Variants in NAV3 observed in about 807,000 individuals in gnomAD.
NAV3 encodes the protein pore membrane and/or filament interacting like protein 1.
Under a neutral mutation model 244.7 loss-of-function variants are expected in NAV3, and 87 were observed. That is an observed-to-expected ratio of 0.36 (90% CI 0.30 to 0.42). NAV3 has a LOEUF of 0.42. NAV3 is among the 20% of genes least tolerant of loss of function. The pLI is 1.00. For missense variants in NAV3, 2,663 were observed against 2,893.3 expected (o/e 0.92, Z 1.83); for synonymous variants, 1,126 against 1,042.2 (o/e 1.08, Z -1.55).
chr12:77,992,095 A>G (rs1039141811), intron 5 of NAV3, among the ~76,000 whole-genome samples: 3 of 152,038 alleles, frequency 2.0e-5, no homozygotes, highest in African/African-American at 4.8e-5. Flanking sequence ...AATCAGCTGC[A>G]TGTTTTAGAA....
intron 12 of NAV3, among the ~76,000 whole-genome samples, chr12:78,083,644 C>T (rs1199693580): frequency 1.3e-5 from 2 of 152,282 alleles, no homozygotes; most frequent in East Asian, 1.9e-4. Flanking sequence ...GTCACACACT[C>T]CCACTGTCAC....
intron 2 of NAV3, among the ~76,000 whole-genome samples, chr12:77,791,663 A>T (rs1403924841): frequency 2.0e-5 from 3 of 152,190 alleles, no homozygotes; most frequent in African/African-American, 7.2e-5. Context: ...GCAGGGCCTA[A>T]CACTCCTTAC....
chr12:77,743,379 TG>T (rs1241782627), intron 2 of NAV3, among the ~76,000 whole-genome samples: 1 of 151,920 alleles, frequency 6.6e-6, no homozygotes, highest in Non-Finnish European at 1.5e-5. Flanking sequence ...CTAAACTCCA[TG>T]TTGTTCAAGA....
chr12:77,979,072 A>G (rs949797253), intron 5 of NAV3, among the ~76,000 whole-genome samples: 25 of 151,698 alleles, frequency 1.6e-4, no homozygotes, highest in African/African-American at 5.8e-4. Context: ...AAAAACTGCA[A>G]CTGTCTCAAA....
At chr12:78,015,518 G>A (rs988335460) in intron 8 of NAV3, among the ~76,000 whole-genome samples, 1 of 151,638 alleles carries the variant, frequency 6.6e-6, no homozygotes, top group East Asian at 1.9e-4. Context: ...GAATGTCATC[G>A]AAATGATACT....
At chr12:77,633,041 G>A in intron 2 of NAV3, among the ~76,000 whole-genome samples, 1 of 152,026 alleles carries the variant, frequency 6.6e-6, no homozygotes, top group Non-Finnish European at 1.5e-5. Flanking sequence ...AGAGATAAAT[G>A]AAAAAATGTT....
At chr12:77,614,343 C>T (rs898118077) in intron 2 of NAV3, among the ~76,000 whole-genome samples, 4 of 151,978 alleles carry the variant, frequency 2.6e-5, no homozygotes, top group Admixed American at 2.6e-4. Context: ...CACAGACAAC[C>T]TCTTCAACAG....
intron 5 of NAV3, among the ~76,000 whole-genome samples, chr12:77,983,254 G>A (rs984452058): frequency 3.3e-5 from 5 of 152,128 alleles, no homozygotes; most frequent in African/African-American, 1.2e-4. Flanking sequence ...TTTGGGCAGG[G>A]GAATAGGGAT....
At chr12:78,057,579 C>G (rs73350619) in intron 11 of NAV3, among the ~76,000 whole-genome samples, 7,228 of 152,208 alleles carry the variant, frequency 0.047, 507 homozygotes, top group African/African-American at 0.16. Flanking sequence ...CATAAAATAG[C>G]TAGTATTTTT....
chr12:77,724,894 C>A (rs1318240666), intron 2 of NAV3, among the ~76,000 whole-genome samples: 2 of 152,006 alleles, frequency 1.3e-5, no homozygotes, highest in Non-Finnish European at 2.9e-5. Context: ...GATGTCAAAT[C>A]TTTCAAAAGT....
At chr12:77,781,831 A>C (rs78259747) in intron 2 of NAV3, among the ~76,000 whole-genome samples, 2,244 of 152,284 alleles carry the variant, frequency 0.015, 47 homozygotes, top group East Asian at 0.021. Flanking sequence ...TTCTTCAAAG[A>C]GAGAAAGAGA....
At chr12:78,139,330 T>C (rs1956507725) in intron 19 of NAV3, among the ~76,000 whole-genome samples, 1 of 152,116 alleles carries the variant, frequency 6.6e-6, no homozygotes, top group Non-Finnish European at 1.5e-5. Context: ...GCACCTCCCA[T>C]ATGTCCTTGT....
intron 12 of NAV3, among the ~76,000 whole-genome samples, chr12:78,075,680 T>G (rs1953012532): frequency 6.6e-6 from 1 of 152,242 alleles, no homozygotes; most frequent in Non-Finnish European, 1.5e-5. Context: ...ATTTATAGCT[T>G]AATTACCTGA....
intron 16 of NAV3, among the ~76,000 whole-genome samples, chr12:78,123,070 G>T (rs536278650): frequency 1.6e-4 from 25 of 151,930 alleles, no homozygotes; most frequent in Non-Finnish European, 3.4e-4. Flanking sequence ...ACATAGCAAG[G>T]CATTTCTTAC....
At chr12:77,707,414 T>G (rs1875875393) in intron 2 of NAV3, among the ~76,000 whole-genome samples, 1 of 152,130 alleles carries the variant, frequency 6.6e-6, no homozygotes, top group Non-Finnish European at 1.5e-5. Context: ...CTGCAGAGTA[T>G]TCATTCCATG....
intron 2 of NAV3, among the ~76,000 whole-genome samples, chr12:77,628,713 A>C (rs1165472499): frequency 1.3e-5 from 2 of 151,616 alleles, no homozygotes; most frequent in South Asian, 2.1e-4. Context: ...GTGAAACCCT[A>C]TCTCTACTAA....
At chr12:77,700,141 T>G (rs1875496249) in intron 2 of NAV3, among the ~76,000 whole-genome samples, 1 of 152,144 alleles carries the variant, frequency 6.6e-6, no homozygotes, top group Non-Finnish European at 1.5e-5. Context: ...TTATAGCTAA[T>G]TTGTATTGAA....
chr12:77,940,181 T>C, intron 1 of NAV3, 138 bp from the exon 2 acceptor site: 1 of 646,276 alleles, frequency 1.5e-6, no homozygotes. Flanking sequence ...TTACAACTAT[T>C]TCCTTTAGAG....
intron 2 of NAV3, among the ~76,000 whole-genome samples, chr12:77,666,825 C>T (rs1873736833): frequency 6.6e-6 from 1 of 152,060 alleles, no homozygotes; most frequent in Non-Finnish European, 1.5e-5. Flanking sequence ...CTATCTGCTG[C>T]TTGTCGTGTT....
Sources: gnomAD v4.1 joint callset for allele counts (sites outside exome capture counted in the v4.1 genomes callset) on GRCh38, gnomAD v4.1.1 for gene constraint, MANE v1.5 for transcripts, NCBI Gene and HGNC (gene_info 2026-07-23, HGNC 2026-07-21) for gene names.